The following KLHL7 variants were observed in gnomAD, a reference collection of about 807,000 sequenced individuals.
The protein encoded by KLHL7 is kelch-like protein 7.
In KLHL7, 44 loss-of-function variants were observed where a neutral mutation model predicts 67.4. That is an observed-to-expected ratio of 0.65 (90% CI 0.51 to 0.84). KLHL7 has a LOEUF of 0.84. Ranked by LOEUF, KLHL7 falls within the 40% of genes least tolerant of loss-of-function variation. The probability of loss-of-function intolerance (pLI) is 0.00; values close to 1 mark genes in which losing one functional copy is unlikely to be tolerated. For missense variants in KLHL7, 362 were observed against 718.1 expected, an observed-to-expected ratio of 0.50 and a Z score of 5.67; for synonymous variants, 252 against 243.3, an observed-to-expected ratio of 1.04 and a Z score of -0.33.
At chr7:23,141,806 G>A (rs907510152) in intron 5 of KLHL7, among the ~76,000 whole-genome samples, 2 of 152,020 alleles carry the variant, frequency 1.3e-5, no homozygotes, top group African/African-American at 4.8e-5. Context: ...GTATTTTTTA[G>A]TAGAGACGGG....
chr7:23,146,419 G>A (rs1184707515), intron 6 of KLHL7, among the ~76,000 whole-genome samples: 3 of 152,140 alleles, frequency 2.0e-5, no homozygotes, highest in South Asian at 2.1e-4. Context: ...TATCAAAGAC[G>A]GAGTTTGTGT....
intron 7 of KLHL7, among the ~76,000 whole-genome samples, chr7:23,160,301 T>C (rs1301418712): frequency 1.3e-5 from 2 of 152,228 alleles, no homozygotes; most frequent in African/African-American, 4.8e-5. Flanking sequence ...TTATTTCTAC[T>C]CAAAGGACAA....
At chr7:23,126,364 G>T (rs1220210371) in intron 4 of KLHL7, among the ~76,000 whole-genome samples, 3 of 152,166 alleles carry the variant, frequency 2.0e-5, no homozygotes, top group Non-Finnish European at 4.4e-5. Context: ...TGGATAAGGG[G>T]GACTACTCTA....
At position 23,128,422 on chromosome 7, in the gene KLHL7, T is replaced by TAAA. The variant is rs201757686; in HGVS notation, c.442+3277_442+3279dup. On this transcript the variant is annotated intron_variant, in intron 4 of 10. Transcript: ENST00000339077. ...AATAAGACTACGACTTCTTTGGGTT[T>TAAA]AAAAAAAAAAAAAAAAAAAAAAAAA... Among the ~76,000 whole-genome samples, 62 of 116,928 alleles carry TAAA rather than the reference T, an allele frequency of 5.3e-4. 2 individuals carry two copies. Among genetic ancestry groups the TAAA allele is most frequent in the South Asian group, 2.1e-3 (6 of 2,888 alleles). 76.7% of individuals were successfully genotyped at this position (116,928 alleles called of 152,430 possible). A position where few individuals can be genotyped will look rare whatever the true frequency, so the allele number is the denominator to read the frequency against.
chr7:23,164,747 T>C (rs964359705), intron 7 of KLHL7, among the ~76,000 whole-genome samples: 3 of 152,232 alleles, frequency 2.0e-5, no homozygotes, highest in Admixed American at 2.0e-4. Flanking sequence ...TGTGATACTT[T>C]AATCCAATGA....
intron 4 of KLHL7, among the ~76,000 whole-genome samples, chr7:23,134,935 T>G (rs2128462941): frequency 6.6e-6 from 1 of 152,300 alleles, no homozygotes; most frequent in South Asian, 2.1e-4. Flanking sequence ...TTTTTTCATT[T>G]CAGTTTTATT....
intron 6 of KLHL7, 40 bp downstream of exon 6, chr7:23,144,065 G>GC (rs767617637): frequency 6.5e-7 from 1 of 1,546,514 alleles, no homozygotes; most frequent in South Asian, 1.1e-5. Context: ...TGATCATGTA[G>GC]CCAGTTTCTC....
intron 7 of KLHL7, among the ~76,000 whole-genome samples, chr7:23,164,656 G>A (rs1000107654): frequency 1.3e-5 from 2 of 152,148 alleles, no homozygotes; most frequent in African/African-American, 4.8e-5. Context: ...CACCTAAAAA[G>A]CAAAATGTTC....
chr7:23,117,216 T>C (rs947885177), intron 1 of KLHL7, among the ~76,000 whole-genome samples: 1 of 151,060 alleles, frequency 6.6e-6, no homozygotes, highest in African/African-American at 2.4e-5. Context: ...GCCTCCCGAG[T>C]AGCTGCTATT....
chr7:23,111,650 A>G (rs979117771), intron 1 of KLHL7, among the ~76,000 whole-genome samples: 12 of 152,070 alleles, frequency 7.9e-5, no homozygotes, highest in African/African-American at 2.7e-4. Flanking sequence ...GTGAAACTCC[A>G]TCTTTACTAA....
At chr7:23,127,790 T>G (rs1422843289) in intron 4 of KLHL7, among the ~76,000 whole-genome samples, 2 of 150,078 alleles carry the variant, frequency 1.3e-5, no homozygotes, top group African/African-American at 4.9e-5. Flanking sequence ...GGGAAAATCG[T>G]TTGAACCGGG....
chr7:23,117,235 G>A (rs979528265), intron 1 of KLHL7, among the ~76,000 whole-genome samples: 5 of 151,608 alleles, frequency 3.3e-5, no homozygotes, highest in African/African-American at 1.2e-4. Flanking sequence ...TTACAGACGC[G>A]CACCACCACG....
chr7:23,132,537 G>T (rs960593793), intron 4 of KLHL7, among the ~76,000 whole-genome samples: 6 of 152,048 alleles, frequency 3.9e-5, no homozygotes, highest in Non-Finnish European at 7.4e-5. Flanking sequence ...ATATATTCTG[G>T]TTATTAATCC....
intron 1 of KLHL7, among the ~76,000 whole-genome samples, chr7:23,110,893 T>G (rs1478253761): frequency 1.3e-5 from 2 of 151,802 alleles, no homozygotes; most frequent in Non-Finnish European, 2.9e-5. Flanking sequence ...TACTATTTAT[T>G]TATTACTCTA....
intron 6 of KLHL7, 102 bp downstream of exon 6, chr7:23,144,127 A>G (rs376743153): frequency 9.7e-7 from 1 of 1,027,504 alleles, no homozygotes; most frequent in Non-Finnish European, 1.5e-6. Context: ...AGGGAGAAAC[A>G]TTCAAGATTT....
intron 7 of KLHL7, among the ~76,000 whole-genome samples, chr7:23,156,652 CTAG>C (rs1784715398): frequency 6.6e-6 from 1 of 152,176 alleles, no homozygotes. Context: ...CAACAATAAA[CTAG>C]TAGTAAGACT....
At chr7:23,128,845 G>A (rs1783686065) in intron 4 of KLHL7, among the ~76,000 whole-genome samples, 1 of 152,116 alleles carries the variant, frequency 6.6e-6, no homozygotes, top group African/African-American at 2.4e-5. Context: ...CATACCAAAG[G>A]TGGCCCTTTG....
intron 9 of KLHL7, among the ~76,000 whole-genome samples, chr7:23,170,904 T>G (rs1785138152): frequency 7.6e-6 from 1 of 131,634 alleles, no homozygotes; most frequent in Non-Finnish European, 1.6e-5. Flanking sequence ...TTTTAAGAAA[T>G]GACTTTTTTT....
At chr7:23,157,976 G>A (rs972761803) in intron 7 of KLHL7, among the ~76,000 whole-genome samples, 2 of 152,080 alleles carry the variant, frequency 1.3e-5, no homozygotes, top group African/African-American at 2.4e-5. Context: ...GTGTTGTGTC[G>A]TGTTTTTGAG....
Sources: allele counts gnomAD v4.1 joint callset (sites outside exome capture counted in the v4.1 genomes callset), GRCh38; gene constraint gnomAD v4.1.1; transcripts MANE v1.5; gene names NCBI Gene and HGNC (gene_info 2026-07-23, HGNC 2026-07-21).